The following ZNF516 variants were observed in gnomAD, a reference collection of about 807,000 sequenced individuals.
ZNF516 encodes the protein zinc finger protein 516.
In ZNF516, 19 loss-of-function variants were observed where a neutral mutation model predicts 79.7. That is an observed-to-expected ratio of 0.24 (90% CI 0.17 to 0.35). ZNF516 has a LOEUF of 0.35. Among genes scored for constraint, ZNF516 ranks in the 10% least tolerant of loss-of-function variants. ZNF516 has a pLI of 1.00. For synonymous variants in ZNF516, 877 were observed against 739.5 expected (o/e 1.19, Z -3.02); for missense variants, 1,678 against 1,679.5 (o/e 1.00, Z 0.02).
At chr18:76,458,181 G>A (rs552419808) in intron 2 of ZNF516, among the ~76,000 whole-genome samples, 27 of 152,284 alleles carry the variant, frequency 1.8e-4, no homozygotes, top group Middle Eastern at 6.8e-3. Context: ...AACTTGATGC[G>A]AAATGACAAA....
intron 1 of ZNF516, among the ~76,000 whole-genome samples, chr18:76,473,456 T>A (rs1262646169): frequency 1.4e-5 from 2 of 144,870 alleles, no homozygotes; most frequent in Non-Finnish European, 3.0e-5. Context: ...AAAAGCAACA[T>A]GGAAAAAATA....
chr18:76,391,678 G>T (rs1290612132), intron 3 of ZNF516, among the ~76,000 whole-genome samples: 1 of 152,182 alleles, frequency 6.6e-6, no homozygotes, highest in Non-Finnish European at 1.5e-5. Context: ...CTGGTAGCCT[G>T]GGCAATCACA....
At chr18:76,414,828 G>A (rs537670238) in intron 3 of ZNF516, among the ~76,000 whole-genome samples, 9 of 152,338 alleles carry the variant, frequency 5.9e-5, no homozygotes, top group African/African-American at 2.2e-4. Flanking sequence ...CAAGTGATAC[G>A]TGTGTGCACA....
intron 1 of ZNF516, chr18:76,490,784 G>A (rs1310819045): frequency 9.1e-6 from 9 of 985,310 alleles, no homozygotes; most frequent in Non-Finnish European, 1.1e-5. Context: ...TGACTTGCTG[G>A]TTAAGTCACA....
At chr18:76,485,247 T>A (rs773990173) in intron 1 of ZNF516, among the ~76,000 whole-genome samples, 5 of 152,216 alleles carry the variant, frequency 3.3e-5, no homozygotes, top group Non-Finnish European at 5.9e-5. Flanking sequence ...ATGGTCATGC[T>A]AAAGACATGA....
chr18:76,379,008 G>A lies in ZNF516; in HGVS notation c.3106C>T (p.Pro1036Ser), dbSNP rs755607571. 12 of 1,612,164 alleles carry A rather than the reference G, an allele frequency of 7.4e-6. No individual in the cohort carries two copies. The highest frequency in any genetic ancestry group is 3.3e-5 in the Admixed American group (2 of 59,984). ...TGTTTGATGGAGTGTAGGACGGGGG[G>A]CGCCCCAGCCACGCCGGGCTGGGCC... ...LQAQPGVAGA[P>S]PVLHSIKQEP... is the part of the protein sequence containing the mutation. Residue 1036 changes from proline to serine, a missense_variant, in exon 4 of 7, where the codon CCC (proline) becomes TCC (serine). This residue lies in a region of ZNF516 where 1,294 missense variants were observed against 1,248.3 expected (regional missense o/e 1.04). Coordinates refer to ENST00000443185, the MANE Select transcript of ZNF516 (RefSeq NM_014643.4).
chr18:76,452,469 C>T (rs887953669), intron 2 of ZNF516, among the ~76,000 whole-genome samples: 9 of 152,206 alleles, frequency 5.9e-5, no homozygotes, highest in Non-Finnish European at 4.4e-5. Flanking sequence ...ATCCTTTAAG[C>T]ACAGCCTTCT....
chr18:76,473,905 G>GT (rs1555718873), intron 1 of ZNF516, among the ~76,000 whole-genome samples: 1,165 of 8,266 alleles, frequency 0.14, 95 homozygotes, highest in African/African-American at 0.26. Flanking sequence ...TTTTTGTGTG[G>GT]GGGGGGGGGG....
rs1913592123 is a variant in ZNF516 at position 76,467,997 on chromosome 18, G to A, written c.-271-4856C>T. Among the ~76,000 whole-genome samples the A allele has an allele frequency of 6.6e-6, 1 of 152,130 alleles. No homozygotes were observed. The highest frequency in any genetic ancestry group is 2.4e-5 in the African/African-American group (1 of 41,416). On this transcript the variant is annotated intron_variant, in intron 1 of 6. Transcript: ENST00000443185. This position sits in a 1 kb window ranked among gnomAD's most constrained non-coding sequence, Gnocchi z 4.2. Reference sequence around the variant, plus strand: ...TTCCAGACCTCCCTACGGACAGCACGCGACGGACGGCCTTGCGGGACTCCC... The same window carrying A: ...TTCCAGACCTCCCTACGGACAGCACACGACGGACGGCCTTGCGGGACTCCC...
At chr18:76,483,270 C>G (rs1310650263) in intron 1 of ZNF516, among the ~76,000 whole-genome samples, 4 of 152,266 alleles carry the variant, frequency 2.6e-5, no homozygotes, top group Admixed American at 1.3e-4. Context: ...TCAAGCCAGC[C>G]AACCTGACCA....
chr18:76,442,521 G>C lies in ZNF516; in HGVS notation c.534C>G (p.Phe178Leu). ...TCTTACGCTCGAACTGGCTCTTGCA[G>C]AAGGAGCACTGGACCGCTGCCTTGG... ...GEAKAAVQCS[F>L]CKSQFERKKD... Residue 178 changes from phenylalanine to leucine, a missense_variant, in exon 3 of 7, where the codon TTC (phenylalanine) becomes TTG (leucine). Transcript: ENST00000443185. The C allele has an allele frequency of 1.2e-6, 2 of 1,600,870 alleles. No homozygotes were observed. The highest frequency in any genetic ancestry group is 3.3e-5 in the Admixed American group (2 of 60,026).
At chr18:76,477,227 T>G (rs559213980) in intron 1 of ZNF516, among the ~76,000 whole-genome samples, 1 of 152,186 alleles carries the variant, frequency 6.6e-6, no homozygotes, top group Non-Finnish European at 1.5e-5. Flanking sequence ...GATACTGCAA[T>G]TCCACAAGTC....
intron 6 of ZNF516, among the ~76,000 whole-genome samples, chr18:76,363,952 C>T (rs559878660): frequency 6.6e-6 from 1 of 152,216 alleles, no homozygotes; most frequent in Non-Finnish European, 1.5e-5. Flanking sequence ...CTAGATTGCA[C>T]ATGGACAGCA....
chr18:76,420,354 G>A (rs1002074021), intron 3 of ZNF516, among the ~76,000 whole-genome samples: 11 of 152,038 alleles, frequency 7.2e-5, no homozygotes, highest in African/African-American at 1.5e-4. Flanking sequence ...CTCTACCCCC[G>A]GCCCTCATTG....
chr18:76,485,804 G>A (rs573490173), intron 1 of ZNF516, among the ~76,000 whole-genome samples: 15 of 150,196 alleles, frequency 1.0e-4, no homozygotes, highest in Admixed American at 4.0e-4. Context: ...TTCCAGGGCC[G>A]CACCACAGAA....
intron 1 of ZNF516, among the ~76,000 whole-genome samples, chr18:76,464,108 G>C (rs1479596266): frequency 2.0e-5 from 3 of 152,144 alleles, no homozygotes; most frequent in African/African-American, 7.2e-5. Flanking sequence ...TGGATCACTT[G>C]AGGTCAGGAG....
intron 3 of ZNF516, among the ~76,000 whole-genome samples, chr18:76,417,938 G>A (rs1316573152): frequency 6.6e-6 from 1 of 152,210 alleles, no homozygotes; most frequent in Non-Finnish European, 1.5e-5. Flanking sequence ...CGGCCAGAGG[G>A]TCAAGTATAG....
chr18:76,405,271 C>T (rs537958402), intron 3 of ZNF516, among the ~76,000 whole-genome samples: 2 of 152,300 alleles, frequency 1.3e-5, no homozygotes, highest in African/African-American at 4.8e-5. Flanking sequence ...GACTCTTGCC[C>T]AGGCTGGAGT....
At chr18:76,448,658 G>C (rs1292058961) in intron 2 of ZNF516, among the ~76,000 whole-genome samples, 1 of 152,162 alleles carries the variant, frequency 6.6e-6, no homozygotes, top group African/African-American at 2.4e-5. Flanking sequence ...TTCAGGTGAC[G>C]GCAGGCTCCT....
Sources: allele counts gnomAD v4.1 joint callset (sites outside exome capture counted in the v4.1 genomes callset), GRCh38; gene constraint gnomAD v4.1.1; regional missense constraint gnomAD v4.1.1; non-coding constraint Gnocchi (gnomAD v3.1); transcripts MANE v1.5; gene names NCBI Gene and HGNC (gene_info 2026-07-23, HGNC 2026-07-21).